The following CCT3 variants were observed in gnomAD, a reference collection of about 807,000 sequenced individuals.
CCT3 encodes chaperonin containing TCP1 subunit 3.
In CCT3, 10 loss-of-function variants were observed where a neutral mutation model predicts 65.3. The ratio of observed to expected loss-of-function variants is 0.15; its 90% confidence interval spans 0.09 to 0.26. The LOEUF (loss-of-function observed/expected upper bound fraction) is 0.26, where lower values mean the gene tolerates loss of function less well. CCT3 is among the 10% of genes least tolerant of loss of function. CCT3 has a pLI of 1.00. For synonymous variants in CCT3, 225 were observed against 242.3 expected (o/e 0.93, Z 0.66); for missense variants, 626 against 708.7 (o/e 0.88, Z 1.33).
chr1:156,325,198 G>C, intron 5 of CCT3, 109 bp from the exon 6 acceptor site: 1 of 797,024 alleles, frequency 1.3e-6, no homozygotes, highest in African/African-American at 1.7e-5. Context: ...TCTCCCAAAA[G>C]GTATGACATT....
chr1:156,309,257 T>C lies in CCT3; in HGVS notation c.1580A>G (p.Lys527Arg), dbSNP rs749110825. 4.3e-6 allele frequency: 7 copies of C among 1,614,120 alleles called. No individual in the cohort carries two copies. The change falls in exon 14 of 14, where the codon AAA becomes AGA. Residue 527 changes from lysine to arginine, a missense_variant. By Grantham distance (26) the Lys-to-Arg change is conservative. Coordinates refer to ENST00000295688, the MANE Select transcript of CCT3 (RefSeq NM_005998.5). Reference protein sequence around the residue: ...LRIDDIVSGHKKKGDDQSRQG... With the variant: ...LRIDDIVSGHRKKGDDQSRQG... ...CCGGCTCTGGTCATCGCCTTTCTTT[T>C]TGTGGCCTGAAACGATGTCATCAAT...
rs998843039 is a variant in CCT3 at position 156,313,842 on chromosome 1, C to T, written c.975-1621G>A. On this transcript the variant is annotated intron_variant, in intron 10 of 13. Transcript: ENST00000295688. ...CGGTGGCTCATGCCTGTAATCCCAGCACTTTGGGAGGCCAAGGCGGGCGGA... is the reference window on the plus strand; with the variant it reads ...CGGTGGCTCATGCCTGTAATCCCAGTACTTTGGGAGGCCAAGGCGGGCGGA... Among the ~76,000 whole-genome samples the T allele has an allele frequency of 2.0e-5, 3 of 152,186 alleles. No individual in the cohort carries two copies. The East Asian group carries it at 5.8e-4, about 29-fold the overall frequency.
chr1:156,310,893 C>G (rs1664058335), intron 12 of CCT3, 57 bp downstream of exon 12: 1 of 1,579,406 alleles, frequency 6.3e-7, no homozygotes, highest in African/African-American at 1.4e-5. Context: ...ATCTTCCCCT[C>G]AGGGCAAACA....
chr1:156,335,980 G>C (rs1383619084), intron 1 of CCT3, 92 bp from the exon 2 acceptor site: 1 of 980,796 alleles, frequency 1.0e-6, no homozygotes, highest in Admixed American at 1.9e-5. Context: ...TAAGAATGCA[G>C]GTTTCATGGT....
chr1:156,315,499 G>GTGCCC (rs1473317748), intron 10 of CCT3, among the ~76,000 whole-genome samples: 1 of 152,218 alleles, frequency 6.6e-6, no homozygotes, highest in Admixed American at 6.5e-5. Context: ...ATGAGCCACC[G>GTGCCC]TGCCCTGCCC....
chr1:156,316,430 C>T (rs1230203097), intron 10 of CCT3, among the ~76,000 whole-genome samples: 3 of 152,190 alleles, frequency 2.0e-5, no homozygotes, highest in Non-Finnish European at 4.4e-5. Flanking sequence ...CTTGTCACTC[C>T]CTCCAACTCA....
At chr1:156,336,457 C>T (rs986764411) in intron 1 of CCT3, among the ~76,000 whole-genome samples, 3 of 152,222 alleles carry the variant, frequency 2.0e-5, no homozygotes, top group Non-Finnish European at 4.4e-5. Context: ...TTAGTGATAG[C>T]GCCCCCACAG....
intron 6 of CCT3, among the ~76,000 whole-genome samples, chr1:156,324,247 T>C (rs565847354): frequency 1.3e-5 from 2 of 151,378 alleles, no homozygotes; most frequent in South Asian, 4.2e-4. Context: ...TTCTGTACTT[T>C]TAGTAGAGAC....
intron 5 of CCT3, chr1:156,332,919 G>C (rs912815281): frequency 1.3e-5 from 2 of 154,360 alleles, no homozygotes; most frequent in Non-Finnish European, 2.9e-5. Context: ...TTTATCAGTT[G>C]ATGAAAGTGT....
rs1664740215 is a variant in CCT3, at chr1:156,324,991, T to C, written c.403A>G (p.Ser135Gly). ...AYRKALDDMI[S>G]TLKKISIPVD... Reference sequence around the variant, plus strand: ...AGATACCTTATTTTCTTTAGGGTGCTGATCATATCATCCAATGCCTTGCGG... The same window carrying C: ...AGATACCTTATTTTCTTTAGGGTGCCGATCATATCATCCAATGCCTTGCGG... Residue 135 changes from serine (S) to glycine (G), a missense_variant, in exon 6 of 14, where the codon AGC becomes GGC. Transcript: ENST00000295688. 1 of 1,611,764 alleles carries C rather than the reference T, an allele frequency of 6.2e-7. No homozygotes were observed. The highest frequency in any genetic ancestry group is 8.5e-7 in the Non-Finnish European group (1 of 1,178,030).
intron 10 of CCT3, among the ~76,000 whole-genome samples, chr1:156,314,125 C>A (rs1419933994): frequency 6.7e-6 from 1 of 149,542 alleles, no homozygotes; most frequent in African/African-American, 2.5e-5. Flanking sequence ...TGAAAGAGAA[C>A]CCCAACAAAG....
intron 4 of CCT3, among the ~76,000 whole-genome samples, chr1:156,333,970 G>C (rs1665221116): frequency 6.6e-6 from 1 of 152,172 alleles, no homozygotes. Flanking sequence ...GGGCATGGTG[G>C]CTCACATCTG....
At chr1:156,313,196 AGGT>A (rs1433984305) in intron 10 of CCT3, among the ~76,000 whole-genome samples, 1 of 152,024 alleles carries the variant, frequency 6.6e-6, no homozygotes, top group East Asian at 1.9e-4. Context: ...AAAATTAGCC[AGGT>A]GTCATGGCAC....
intron 5 of CCT3, among the ~76,000 whole-genome samples, chr1:156,327,977 A>G (rs1664908509): frequency 1.4e-5 from 2 of 140,660 alleles, no homozygotes; most frequent in Non-Finnish European, 3.1e-5. Context: ...CTGCCTGGCA[A>G]CCGCCCTGTC....
At chr1:156,312,528 G>T (rs147156047) in intron 10 of CCT3, among the ~76,000 whole-genome samples, 2 of 152,216 alleles carry the variant, frequency 1.3e-5, no homozygotes, top group African/African-American at 4.8e-5. Flanking sequence ...GCACAGTGAT[G>T]CATACCTGTA....
intron 10 of CCT3, among the ~76,000 whole-genome samples, chr1:156,313,652 G>A (rs1664182063): frequency 6.6e-6 from 1 of 152,298 alleles, no homozygotes; most frequent in East Asian, 1.9e-4. Context: ...TCCAGAAAGG[G>A]ACTGCCTTTT....
In CCT3 at chr1:156,309,220, A is replaced by G; in HGVS notation, c.1617T>C (p.Ala539=). The G allele has an allele frequency of 1.2e-6, 2 of 1,613,292 alleles. No homozygotes were observed. The highest frequency in any genetic ancestry group is 1.7e-6 in the Non-Finnish European group (2 of 1,179,272). ...GCACTCACTCCTGGCCAGCATCAGG[A>G]GCCCCGCCTTGCCGGCTCTGGTCAT... is the stretch of plus-strand genomic sequence containing the variant. ...KGDDQSRQGG[A]PDAGQE is the part of the protein sequence containing the mutation. The change falls in exon 14 of 14, where the codon GCT becomes GCC. Residue 539 remains alanine (A), a synonymous_variant. Transcript: ENST00000295688.
At chr1:156,309,349 G>C in intron 13 of CCT3, 46 bp from the exon 14 acceptor site, 1 of 1,318,262 alleles carries the variant, frequency 7.6e-7, no homozygotes, top group Non-Finnish European at 1.1e-6. Context: ...GAGAAGGAAA[G>C]GACACTTTTC....
chr1:156,314,086 CAAAA>C (rs139747435), intron 10 of CCT3, among the ~76,000 whole-genome samples: 2 of 96,508 alleles, frequency 2.1e-5, no homozygotes, highest in African/African-American at 4.0e-5. Flanking sequence ...ACTCTGTCTC[CAAAA>C]AAAAAAAAAA....
Sources: gnomAD v4.1 joint callset for allele counts (sites outside exome capture counted in the v4.1 genomes callset) on GRCh38, gnomAD v4.1.1 for gene constraint, MANE v1.5 for transcripts, NCBI Gene and HGNC (gene_info 2026-07-23, HGNC 2026-07-21) for gene names.